UBAC2: variants seen among roughly 807,000 people sequenced by gnomAD.
UBAC2 encodes the protein UBA domain containing 2.
UBAC2 carries 26 observed loss-of-function variants against 44.0 expected under a neutral mutation model. The ratio of observed to expected loss-of-function variants is 0.59; its 90% CI spans 0.43 to 0.82. UBAC2 has a LOEUF of 0.82. Among genes scored for constraint, UBAC2 ranks in the 40% least tolerant of loss-of-function variants. The pLI, the probability that UBAC2 is intolerant of heterozygous loss-of-function variation, is 0.00. For missense variants in UBAC2, 329 were observed against 419.4 expected (o/e 0.78, Z 1.88); for synonymous variants, 155 against 154.3 (o/e 1.00, Z -0.04).
chr13:99,369,928 G>C (rs926425372), intron 8 of UBAC2, among the ~76,000 whole-genome samples: 2 of 152,086 alleles, frequency 1.3e-5, no homozygotes, highest in African/African-American at 2.4e-5. Flanking sequence ...TAAAATACCT[G>C]GTCTATGTTC....
intron 8 of UBAC2, among the ~76,000 whole-genome samples, chr13:99,369,449 A>G (rs963543859): frequency 6.6e-6 from 1 of 152,230 alleles, no homozygotes; most frequent in South Asian, 2.1e-4. Context: ...ACGATACTCA[A>G]TAATTACATG....
At chr13:99,205,181 C>T (rs1366753945) in intron 1 of UBAC2, among the ~76,000 whole-genome samples, 2 of 152,120 alleles carry the variant, frequency 1.3e-5, no homozygotes, top group Non-Finnish European at 2.9e-5. Context: ...GGATTATAGG[C>T]GTGAGCCACT....
chr13:99,385,201 A>C, intron 8 of UBAC2, 27 bp from the exon 9 acceptor site: 2 of 1,557,228 alleles, frequency 1.3e-6, no homozygotes. Context: ...CAGCGCCCTC[A>C]GGTTTCTGCG....
intron 1 of UBAC2, among the ~76,000 whole-genome samples, chr13:99,211,056 C>T (rs1023589279): frequency 2.6e-5 from 4 of 152,184 alleles, no homozygotes; most frequent in Admixed American, 1.3e-4. Flanking sequence ...AGTGTATTCT[C>T]GTATAACTTT....
chr13:99,322,340 G>A (rs1467159693), intron 6 of UBAC2, among the ~76,000 whole-genome samples: 1 of 152,112 alleles, frequency 6.6e-6, no homozygotes, highest in Non-Finnish European at 1.5e-5. Flanking sequence ...CTACATCTCA[G>A]AACTTCTTCA....
At chr13:99,334,219 C>T (rs1289212879) in intron 6 of UBAC2, among the ~76,000 whole-genome samples, 2 of 152,112 alleles carry the variant, frequency 1.3e-5, no homozygotes, top group East Asian at 1.9e-4. Flanking sequence ...CTTCAGCCTC[C>T]TAACATGCTG....
Position 99,316,270 on chromosome 13 carries a change from C to T in UBAC2, c.514-1752C>T, listed in dbSNP as rs367670011. On this transcript the variant is annotated intron_variant, in intron 5 of 8. Transcript: ENST00000403766. The stretch of plus-strand genomic sequence containing the variant: ...CTGTCTGGTGTCAACTCCCCCTGTG[C>T]CCACCTTGAAGGAGTGTAACTGAAC... 1.6e-4 allele frequency among the ~76,000 whole-genome samples: 24 copies of T among 152,032 alleles called. 1 individual carries two copies. The South Asian group carries it at 3.1e-3, about 20-fold the overall frequency.
chr13:99,385,407 C>T lies in UBAC2; in HGVS notation c.*72C>T, dbSNP rs919171406. 3.2e-6 allele frequency: 4 copies of T among 1,265,684 alleles called. No homozygotes were observed. The African/African-American group carries it at 4.4e-5, about 14-fold the overall frequency. The allele number at this position is 1,265,684 out of a possible 1,614,324, so 78.4% of individuals were successfully genotyped here. On this transcript the variant is annotated 3_prime_UTR_variant, in exon 9 of 9. Coordinates refer to ENST00000403766, the MANE Select transcript of UBAC2 (RefSeq NM_001144072.2). ...GCGTGGTCCCCACCATCAGATCAGC[C>T]CGGGGACCGAGCATCTCTGGTGCTG...
intron 8 of UBAC2, among the ~76,000 whole-genome samples, chr13:99,378,656 A>G (rs1474904179): frequency 1.3e-5 from 2 of 152,224 alleles, no homozygotes; most frequent in Non-Finnish European, 2.9e-5. Flanking sequence ...GGAATCCTTC[A>G]AAGTCACCAC....
At chr13:99,354,799 G>C (rs1405100913) in intron 7 of UBAC2, among the ~76,000 whole-genome samples, 1 of 152,160 alleles carries the variant, frequency 6.6e-6, no homozygotes, top group Non-Finnish European at 1.5e-5. Flanking sequence ...ACCGTGGCAT[G>C]CAGATTGGAT....
Position 99,295,042 on chromosome 13 carries a change from A to G in UBAC2, c.390-19055A>G. On this transcript the variant is annotated intron_variant, in intron 4 of 8. Transcript: ENST00000403766. This position sits in a 1 kb window ranked among gnomAD's most constrained non-coding sequence, Gnocchi z 4.1. ...TGTCATACAGTTTACGTCACTATAA[A>G]CCAAAATACAATCCATTTCACTTTC... 2 of 1,604,500 alleles carry G rather than the reference A, an allele frequency of 1.2e-6. No homozygotes were observed. The highest frequency in any genetic ancestry group is 1.7e-6 in the Non-Finnish European group (2 of 1,175,232).
chr13:99,326,733 C>T (rs2044645064), intron 6 of UBAC2, among the ~76,000 whole-genome samples: 1 of 152,112 alleles, frequency 6.6e-6, no homozygotes, highest in African/African-American at 2.4e-5. Context: ...AGGTGTTCTG[C>T]TCCAGGCCCA....
intron 1 of UBAC2, among the ~76,000 whole-genome samples, chr13:99,223,298 GTC>G: frequency 1.3e-5 from 2 of 152,150 alleles, no homozygotes; most frequent in East Asian, 3.9e-4. Flanking sequence ...TCCTTTTAAT[GTC>G]TCTGGGGTCA....
At chr13:99,280,440 A>T (rs1464093884) in intron 4 of UBAC2, among the ~76,000 whole-genome samples, 3 of 152,186 alleles carry the variant, frequency 2.0e-5, no homozygotes, top group Admixed American at 2.0e-4. Context: ...AACAAGGAGA[A>T]CTTCAAGTGT....
intron 4 of UBAC2, among the ~76,000 whole-genome samples, chr13:99,269,182 C>T (rs1346089424): frequency 6.6e-6 from 1 of 152,156 alleles, no homozygotes; most frequent in Non-Finnish European, 1.5e-5. Context: ...GAAGTCCACT[C>T]ATTGGTAGGT....
At chr13:99,288,009 C>G (rs2044042274) in intron 4 of UBAC2, among the ~76,000 whole-genome samples, 1 of 151,938 alleles carries the variant, frequency 6.6e-6, no homozygotes, top group African/African-American at 2.4e-5. Flanking sequence ...ACTATGTAGC[C>G]CCTGCCAAAA....
At chr13:99,379,393 A>G (rs774046292) in intron 8 of UBAC2, among the ~76,000 whole-genome samples, 2 of 152,228 alleles carry the variant, frequency 1.3e-5, no homozygotes, top group African/African-American at 2.4e-5. Context: ...AAACTCACCA[A>G]TGAATTTCTT....
intron 7 of UBAC2, among the ~76,000 whole-genome samples, chr13:99,365,580 AT>A (rs1470333744): frequency 1.3e-5 from 2 of 151,796 alleles, no homozygotes; most frequent in African/African-American, 4.8e-5. Flanking sequence ...TTTAGTTATT[AT>A]TTTGATGTTG....
intron 1 of UBAC2, among the ~76,000 whole-genome samples, chr13:99,216,486 CG>C (rs1172792028): frequency 6.6e-6 from 1 of 152,012 alleles, no homozygotes; most frequent in African/African-American, 2.4e-5. Context: ...TATCAAATTT[CG>C]TTTAAAATAT....
Sources: allele counts gnomAD v4.1 joint callset (sites outside exome capture counted in the v4.1 genomes callset), GRCh38; gene constraint gnomAD v4.1.1; non-coding constraint Gnocchi (gnomAD v3.1); transcripts MANE v1.5; gene names NCBI Gene and HGNC (gene_info 2026-07-23, HGNC 2026-07-21).